The following C1QTNF3 variants were observed in gnomAD, a reference collection of about 807,000 sequenced individuals.
C1QTNF3 encodes C1q and TNF related 3.
A neutral mutation model predicts 32.6 loss-of-function variants in C1QTNF3; 26 were observed. That is an observed-to-expected ratio of 0.80 (90% confidence interval 0.58 to 1.11). The LOEUF is 1.11. Among genes scored for constraint, C1QTNF3 ranks in the 50% least tolerant of loss-of-function variants. C1QTNF3 has a pLI of 0.00. For synonymous variants in C1QTNF3, 155 were observed against 146.0 expected (o/e 1.06, Z -0.44); for missense variants, 362 against 398.2 (o/e 0.91, Z 0.77).
At chr5:34,034,433 A>T (rs1203925085) in intron 2 of C1QTNF3, among the ~76,000 whole-genome samples, 1 of 152,218 alleles carries the variant, frequency 6.6e-6, no homozygotes, top group Admixed American at 6.5e-5. Context: ...AAATTACAGC[A>T]ATGATTTTGA....
At chr5:34,036,512 TAACA>T (rs1754744083) in intron 1 of C1QTNF3, among the ~76,000 whole-genome samples, 1 of 152,222 alleles carries the variant, frequency 6.6e-6, no homozygotes, top group South Asian at 2.1e-4. Flanking sequence ...AATCTACTCC[TAACA>T]ATTTTCAAGA....
chr5:34,230,099 C>T, the C1QTNF3 span, among the ~76,000 whole-genome samples: 1 of 152,174 alleles, frequency 6.6e-6, no homozygotes, highest in Non-Finnish European at 1.5e-5. Context: ...TTTCAGAACT[C>T]TGAGAAATAA....
chr5:34,101,082 C>CT, the C1QTNF3 span, among the ~76,000 whole-genome samples: 1 of 151,386 alleles, frequency 6.6e-6, no homozygotes, highest in Non-Finnish European at 1.5e-5. Context: ...TGACAATTCT[C>CT]TTTTTTAAAA....
At chr5:34,161,776 G>A in the C1QTNF3 span, among the ~76,000 whole-genome samples, 1 of 152,064 alleles carries the variant, frequency 6.6e-6, no homozygotes, top group Non-Finnish European at 1.5e-5. Context: ...TATATGGAGA[G>A]TTCTATAAAT....
At chr5:34,212,863 T>C in the C1QTNF3 span, among the ~76,000 whole-genome samples, 1 of 150,932 alleles carries the variant, frequency 6.6e-6, no homozygotes, top group Non-Finnish European at 1.5e-5. Flanking sequence ...CTCAGGGATC[T>C]AGAACTAGAA....
At chr5:34,129,727 TATATATAATG>T in the C1QTNF3 span, among the ~76,000 whole-genome samples, 12 of 151,882 alleles carry the variant, frequency 7.9e-5, no homozygotes, top group African/African-American at 2.9e-4. Flanking sequence ...TCAATATAAA[TATATATAATG>T]ATATATAAAG....
At chr5:34,082,829 T>C in the C1QTNF3 span, among the ~76,000 whole-genome samples, 3 of 151,730 alleles carry the variant, frequency 2.0e-5, no homozygotes, top group African/African-American at 7.3e-5. Flanking sequence ...GATAACTGAG[T>C]CAGAATGTTG....
chr5:34,196,638 C>T, the C1QTNF3 span, among the ~76,000 whole-genome samples: 36 of 152,226 alleles, frequency 2.4e-4, no homozygotes, highest in South Asian at 8.3e-4. Flanking sequence ...ATGGCTAGTG[C>T]AACTAAAGAA....
the C1QTNF3 span, among the ~76,000 whole-genome samples, chr5:34,074,575 C>A: frequency 4.6e-5 from 7 of 151,688 alleles, no homozygotes; most frequent in South Asian, 2.1e-4. Flanking sequence ...CACTCTAAGT[C>A]CAAAGCAAAG....
chr5:34,062,468 C>T, the C1QTNF3 span, among the ~76,000 whole-genome samples: 6 of 152,160 alleles, frequency 3.9e-5, no homozygotes, highest in African/African-American at 1.2e-4. Flanking sequence ...ATCCTATGTG[C>T]CTTTTTCCTA....
At chr5:34,213,786 C>CATATATATATACACATAT in the C1QTNF3 span, among the ~76,000 whole-genome samples, 4 of 15,456 alleles carry the variant, frequency 2.6e-4, no homozygotes, top group Non-Finnish European at 2.4e-4. Flanking sequence ...TGTATATATA[C>CATATATATATACACATAT]ATATATATAT....
At chr5:34,078,280 T>C in the C1QTNF3 span, among the ~76,000 whole-genome samples, 178 of 151,782 alleles carry the variant, frequency 1.2e-3, 1 homozygote, top group East Asian at 0.032. The surrounding 1 kb of genome is among the most constrained non-coding windows in gnomAD (Gnocchi z 4.0). Flanking sequence ...CTCCACCGGA[T>C]ACCCAGCAGT....
chr5:34,216,859 C>T, the C1QTNF3 span, among the ~76,000 whole-genome samples: 1 of 152,082 alleles, frequency 6.6e-6, no homozygotes, highest in African/African-American at 2.4e-5. Flanking sequence ...GGTAATAATG[C>T]ATTGCCACTA....
the C1QTNF3 span, among the ~76,000 whole-genome samples, chr5:34,073,268 A>C: frequency 6.6e-6 from 1 of 151,730 alleles, no homozygotes; most frequent in Non-Finnish European, 1.5e-5. Context: ...TGGAGCTTGC[A>C]GTGAGCCGAG....
the C1QTNF3 span, among the ~76,000 whole-genome samples, chr5:34,110,723 T>C: frequency 6.6e-6 from 1 of 152,072 alleles, no homozygotes; most frequent in African/African-American, 2.4e-5. Flanking sequence ...TTTCCTGTCC[T>C]CTATCCTCTG....
chr5:34,118,973 C>T, the C1QTNF3 span, among the ~76,000 whole-genome samples: 1 of 151,846 alleles, frequency 6.6e-6, no homozygotes, highest in Non-Finnish European at 1.5e-5. Context: ...ATATACATTA[C>T]CAACACATAT....
chr5:34,021,103 A>G (rs754894397), intron 5 of C1QTNF3, among the ~76,000 whole-genome samples: 4 of 152,244 alleles, frequency 2.6e-5, no homozygotes, highest in Admixed American at 6.5e-5. Flanking sequence ...AAAGAAAGTT[A>G]TATTATGTTT....
chr5:34,176,868 AAT>A, the C1QTNF3 span, among the ~76,000 whole-genome samples: 1 of 151,760 alleles, frequency 6.6e-6, no homozygotes, highest in African/African-American at 2.4e-5. Flanking sequence ...TGAATGAATG[AAT>A]GAATGAATGA....
At chr5:34,049,587 G>A in the C1QTNF3 span, among the ~76,000 whole-genome samples, 2 of 152,310 alleles carry the variant, frequency 1.3e-5, no homozygotes, top group East Asian at 3.9e-4. Context: ...ATGAAGGCAA[G>A]ACAAGGGTTT....
Sources: gnomAD v4.1 joint callset for allele counts (sites outside exome capture counted in the v4.1 genomes callset) on GRCh38, gnomAD v4.1.1 for gene constraint, Gnocchi (gnomAD v3.1) non-coding constraint, MANE v1.5 for transcripts, NCBI Gene and HGNC (gene_info 2026-07-23, HGNC 2026-07-21) for gene names.